HSD17B13: variants seen among roughly 807,000 people sequenced by gnomAD.
The protein encoded by HSD17B13 is 17-beta-hydroxysteroid dehydrogenase 13.
HSD17B13 carries 26 observed loss-of-function variants against 31.1 expected under a neutral mutation model. That is an observed-to-expected ratio of 0.84 (90% CI 0.61 to 1.16). HSD17B13 has a LOEUF of 1.16. HSD17B13 is among the 50% of genes most tolerant of loss of function. The pLI is 0.00. For synonymous variants in HSD17B13, 141 were observed against 133.7 expected (o/e 1.05, Z -0.38); for missense variants, 374 against 366.5 (o/e 1.02, Z -0.17).
intron 6 of HSD17B13, 46 bp downstream of exon 6, chr4:87,310,197 A>AAG: frequency 1.4e-6 from 2 of 1,463,446 alleles, no homozygotes; most frequent in Non-Finnish European, 1.8e-6. Flanking sequence ...CAAAAAAAAA[A>AAG]GCTCTATTGG....
At chr4:87,317,283 C>A in intron 2 of HSD17B13, 60 bp from the exon 3 acceptor site, 3 of 1,527,826 alleles carry the variant, frequency 2.0e-6, no homozygotes, top group African/African-American at 1.4e-5. Context: ...AGTTTTGGGA[C>A]CAATATAATC....
At chr4:87,322,411 C>T (rs1734809383) in intron 1 of HSD17B13, among the ~76,000 whole-genome samples, 1 of 152,202 alleles carries the variant, frequency 6.6e-6, no homozygotes, top group African/African-American at 2.4e-5. Flanking sequence ...GCTCCTGAGT[C>T]TTTCTATCAA....
At chr4:87,309,246 A>G (rs181831551) in intron 6 of HSD17B13, among the ~76,000 whole-genome samples, 1 of 151,302 alleles carries the variant, frequency 6.6e-6, no homozygotes, top group Admixed American at 6.6e-5. Flanking sequence ...TAGTTGGGCG[A>G]GGGGGCAGGT....
chr4:87,318,273 G>T (rs1734701065), intron 2 of HSD17B13, 56 bp downstream of exon 2: 6 of 1,319,588 alleles, frequency 4.5e-6, no homozygotes, highest in Non-Finnish European at 6.6e-6. Flanking sequence ...CATTTTCCAC[G>T]TCAGCGTCCT....
rs137887488 is a variant in HSD17B13, at chr4:87,322,680, A to G, written c.162T>C (p.Tyr54=). 949 of 1,614,198 alleles carry G rather than the reference A, an allele frequency of 5.9e-4. 3 individuals are homozygous for G. The African/African-American group carries it at 0.011, about 18-fold the overall frequency. The change falls in exon 1 of 7, where the codon TAT becomes TAC. Residue 54 remains tyrosine, a synonymous_variant. Coordinates refer to ENST00000328546, the MANE Select transcript of HSD17B13 (RefSeq NM_178135.5). ...AGHGIGRQTT[Y]EFAKRQSILV... The stretch of plus-strand genomic sequence containing the variant: ...ATATGCTCTGTCGTTTTGCAAATTC[A>G]TAAGTAGTCTGCCTGCCTATTCCAT...
chr4:87,306,708 C>T (rs925502875), intron 6 of HSD17B13, among the ~76,000 whole-genome samples: 7 of 151,744 alleles, frequency 4.6e-5, no homozygotes, highest in Non-Finnish European at 8.8e-5. Context: ...AGTTCGAGAC[C>T]AGCTTGACCA....
At chr4:87,311,649 A>G (rs997086373) in intron 5 of HSD17B13, among the ~76,000 whole-genome samples, 1 of 152,164 alleles carries the variant, frequency 6.6e-6, no homozygotes. Context: ...AGAAAAATGG[A>G]TTTAAAATGT....
At position 87,315,528 on chromosome 4, in the gene HSD17B13, G is replaced by A. The variant is rs376717987; in HGVS notation, c.522C>T (p.Cys174=). 2.9e-5 allele frequency: 46 copies of A among 1,609,832 alleles called. No individual in the cohort carries two copies. The highest frequency in any genetic ancestry group is 1.6e-4 in the Middle Eastern group (1 of 6,072). Reference sequence around the variant, plus strand: ...TGAGGTAAGGAATCCCTTCGTGGCCGCACACTGAAGCCACTGTGACGATGT... The same window carrying A: ...TGAGGTAAGGAATCCCTTCGTGGCCACACACTGAAGCCACTGTGACGATGT... The part of the protein sequence containing the change: ...HGHIVTVASV[C]GHEGIPYLIP... The change falls in exon 4 of 7, where the codon TGC becomes TGT. Residue 174 remains cysteine (C), a synonymous_variant. Coordinates refer to ENST00000328546, the MANE Select transcript of HSD17B13 (RefSeq NM_178135.5).
intron 1 of HSD17B13, among the ~76,000 whole-genome samples, chr4:87,322,306 C>T (rs912039749): frequency 2.2e-4 from 34 of 152,194 alleles, no homozygotes; most frequent in African/African-American, 7.2e-4. Flanking sequence ...CCGTTCTTGC[C>T]CATCCCCTAA....
intron 4 of HSD17B13, among the ~76,000 whole-genome samples, 199 bp downstream of exon 4, chr4:87,315,294 C>G (rs945056216): frequency 6.6e-6 from 1 of 152,208 alleles, no homozygotes; most frequent in African/African-American, 2.4e-5. Context: ...TGGGCCCACT[C>G]CCACCCTGTA....
At position 87,317,677 on chromosome 4, in the gene HSD17B13, G is replaced by C. The variant is rs889270856; in HGVS notation, c.319-454C>G. On this transcript the variant is annotated intron_variant, in intron 2 of 6. Coordinates refer to ENST00000328546, the MANE Select transcript of HSD17B13 (RefSeq NM_178135.5). ...TTCCACCTTGGCCTCACAAAGTGCT[G>C]GGATTACATGTGTGAACCACCGCAC... Among the ~76,000 whole-genome samples, 5 of 142,832 alleles carry C rather than the reference G, an allele frequency of 3.5e-5. No homozygotes were observed. In the East Asian group the frequency reaches 1.1e-3, roughly 30 times the overall value. The allele number at this position is 142,832 out of a possible 152,430, so 93.7% of individuals were successfully genotyped here.
chr4:87,312,312 G>A (rs1334802772), intron 5 of HSD17B13, among the ~76,000 whole-genome samples: 3 of 152,054 alleles, frequency 2.0e-5, no homozygotes, highest in African/African-American at 4.8e-5. Context: ...CTCACTTCTG[G>A]TTGTCAGCAT....
Position 87,313,899 on chromosome 4 carries a change from C to A in HSD17B13, c.619G>T (p.Gly207Ter). 5 of 1,609,114 alleles carry A rather than the reference C, an allele frequency of 3.1e-6. No individual in the cohort carries two copies. Among genetic ancestry groups the A allele is most frequent in the East Asian group, 2.2e-5 (1 of 44,492 alleles). Reference protein sequence around the residue: ...RGLTSELQALGKTGIKTSCLC... With the variant: ...RGLTSELQAL ...CATGAGGTTTTGATACCAGTTTTTCCCAAGGCCTGAAGTTCTGATGTCAGA... is the reference window on the plus strand; with the variant it reads ...CATGAGGTTTTGATACCAGTTTTTCACAAGGCCTGAAGTTCTGATGTCAGA... Residue 207 changes from glycine (G) to a stop codon, truncating the protein, a stop_gained, in exon 5 of 7, where the codon GGA (glycine) becomes TGA (stop). Transcript: ENST00000328546. LOFTEE classifies it high-confidence loss of function.
intron 6 of HSD17B13, among the ~76,000 whole-genome samples, chr4:87,309,662 C>G (rs553624290): frequency 6.6e-6 from 1 of 152,148 alleles, no homozygotes; most frequent in Non-Finnish European, 1.5e-5. Flanking sequence ...AACTACTTCA[C>G]TATATTGCAT....
At chr4:87,320,514 G>A (rs949699384) in intron 1 of HSD17B13, among the ~76,000 whole-genome samples, 5 of 149,976 alleles carry the variant, frequency 3.3e-5, no homozygotes, top group African/African-American at 1.2e-4. Flanking sequence ...AGCCTCCCGA[G>A]TAGCTGGGAC....
intron 5 of HSD17B13, among the ~76,000 whole-genome samples, chr4:87,313,391 T>C (rs1734578032): frequency 6.6e-6 from 1 of 152,216 alleles, no homozygotes; most frequent in Non-Finnish European, 1.5e-5. Context: ...TTCGGGTTCT[T>C]ATCCACACCT....
chr4:87,308,284 C>T (rs1382553440), intron 6 of HSD17B13, among the ~76,000 whole-genome samples: 1 of 151,888 alleles, frequency 6.6e-6, no homozygotes, highest in Non-Finnish European at 1.5e-5. Flanking sequence ...GAGGCCAAGG[C>T]AGGAGGACTG....
At chr4:87,314,031 C>T (rs1046874943) in intron 4 of HSD17B13, 71 bp from the exon 5 acceptor site, 34 of 1,282,642 alleles carry the variant, frequency 2.7e-5, no homozygotes, top group South Asian at 1.4e-4. Flanking sequence ...TGTGAGAAGG[C>T]GGTATCATTT....
chr4:87,311,918 GC>G (rs1734537633), intron 5 of HSD17B13, among the ~76,000 whole-genome samples: 1 of 152,134 alleles, frequency 6.6e-6, no homozygotes, highest in Non-Finnish European at 1.5e-5. Flanking sequence ...CAACAACCCA[GC>G]CTCGGAGCCA....
Sources: gnomAD v4.1 joint callset for allele counts (sites outside exome capture counted in the v4.1 genomes callset) on GRCh38, gnomAD v4.1.1 for gene constraint, MANE v1.5 for transcripts, NCBI Gene and HGNC (gene_info 2026-07-23, HGNC 2026-07-21) for gene names.